OXNAD1: variants seen among roughly 807,000 people sequenced by gnomAD.
The protein encoded by OXNAD1 is oxidoreductase NAD binding domain containing 1.
In OXNAD1, 34 loss-of-function variants were observed where a neutral mutation model predicts 32.9. The observed-to-expected ratio is 1.03, with a 90% CI of 0.79 to 1.38. OXNAD1 has a LOEUF of 1.38. Ranked by LOEUF, OXNAD1 falls within the 40% of genes most tolerant of loss-of-function variation. OXNAD1 has a pLI of 0.00. For missense variants in OXNAD1, 407 were observed against 379.4 expected (o/e 1.07, Z -0.60); for synonymous variants, 134 against 135.2 (o/e 0.99, Z 0.06).
intron 2 of OXNAD1, 71 bp from the exon 3 acceptor site, chr3:16,270,874 C>G: frequency 6.3e-7 from 1 of 1,591,398 alleles, no homozygotes; most frequent in East Asian, 2.2e-5. Flanking sequence ...CCTCACTGAC[C>G]CTCTAAAATA....
intron 4 of OXNAD1, among the ~76,000 whole-genome samples, chr3:16,281,206 G>A (rs754655293): frequency 5.3e-5 from 8 of 152,142 alleles, no homozygotes; most frequent in Admixed American, 1.3e-4. Flanking sequence ...TTTGTGTTAA[G>A]CAAAATAAAA....
chr3:16,273,723 A>G (rs999681318), intron 4 of OXNAD1, among the ~76,000 whole-genome samples: 1 of 152,166 alleles, frequency 6.6e-6, no homozygotes, highest in Non-Finnish European at 1.5e-5. Flanking sequence ...AAGACTAAGA[A>G]TCGGACTAAT....
chr3:16,345,458 T>C lies in OXNAD1; in HGVS notation c.*31-3718T>C, dbSNP rs989395416. Among the ~76,000 whole-genome samples the C allele has an allele frequency of 6.6e-6, 1 of 152,154 alleles. No individual in the cohort carries two copies. Among genetic ancestry groups the C allele is most frequent in the Non-Finnish European group, 1.5e-5 (1 of 68,018 alleles). ...TTGTGAGGGTGTTTCTGGAAAAGAT[T>C]AGCATTTGAATGGGTCAACTGAGTA... On this transcript the variant is annotated intron_variant, in intron 9 of 9. Coordinates refer to the OXNAD1 transcript ENST00000606098. The surrounding 1 kb of genome is among the most constrained non-coding windows in gnomAD (Gnocchi z 5.2).
At chr3:16,323,324 G>A in intron 9 of OXNAD1, 4 of 1,343,422 alleles carry the variant, frequency 3.0e-6, no homozygotes, top group Non-Finnish European at 4.3e-6. Flanking sequence ...AAAATCCACT[G>A]AAGATGAAGC....
At chr3:16,273,175 A>C (rs968869243) in intron 4 of OXNAD1, among the ~76,000 whole-genome samples, 2 of 152,184 alleles carry the variant, frequency 1.3e-5, no homozygotes, top group African/African-American at 4.8e-5. Context: ...AAACTAAGTG[A>C]AATATAAGCA....
intron 9 of OXNAD1, among the ~76,000 whole-genome samples, chr3:16,343,759 G>A (rs901711920): frequency 1.3e-5 from 2 of 152,230 alleles, no homozygotes; most frequent in Non-Finnish European, 2.9e-5. Flanking sequence ...TGTGGATCCA[G>A]AAACCATGAA....
intron 4 of OXNAD1, among the ~76,000 whole-genome samples, chr3:16,286,007 T>G (rs1391057975): frequency 6.6e-6 from 1 of 152,198 alleles, no homozygotes; most frequent in Non-Finnish European, 1.5e-5. Flanking sequence ...AGAGTTCCAA[T>G]TCCCTGAGCT....
Position 16,316,563 on chromosome 3 carries a change from G to A in OXNAD1, c.*30+12971G>A. 2.0e-6 allele frequency: 1 copy of A among 501,608 alleles called. No individual in the cohort carries two copies. Among genetic ancestry groups the A allele is most frequent in the Non-Finnish European group, 3.6e-6 (1 of 278,750 alleles). The allele number at this position is 501,608 out of a possible 1,614,324, so 31.1% of individuals were successfully genotyped here. Reference sequence around the variant, plus strand: ...TGGAGGAGTGGTGGAGCCAGGACTGGGCCTTCAGCCATGAGGGCTAGAATA... The same window carrying A: ...TGGAGGAGTGGTGGAGCCAGGACTGAGCCTTCAGCCATGAGGGCTAGAATA... On this transcript the variant is annotated intron_variant, in intron 9 of 9. Coordinates refer to the OXNAD1 transcript ENST00000435829. This position sits in a 1 kb window ranked among gnomAD's most constrained non-coding sequence, Gnocchi z 4.5.
chr3:16,337,352 CA>C (rs1422070323), downstream of OXNAD1: 1 of 152,206 alleles, frequency 6.6e-6, no homozygotes, highest in Non-Finnish European at 1.5e-5. The surrounding 1 kb of genome is among the most constrained non-coding windows in gnomAD (Gnocchi z 5.0). Context: ...AGCTTTATTA[CA>C]CAGCAGAAGC....
Position 16,335,387 on chromosome 3 carries a change from G to A in OXNAD1, c.*31-1725G>A, listed in dbSNP as rs1398854629. On this transcript the variant is annotated intron_variant, in intron 9 of 9. Coordinates refer to the OXNAD1 transcript ENST00000435829. This position sits in a 1 kb window ranked among gnomAD's most constrained non-coding sequence, Gnocchi z 4.7. ...CATGGGAAACAGGCTTAAGAAGGGA[G>A]TTTGTACCACATTTTCTTTATCCAG... Among the ~76,000 whole-genome samples, 4 of 152,212 alleles carry A rather than the reference G, an allele frequency of 2.6e-5. No individual in the cohort carries two copies. Among genetic ancestry groups the A allele is most frequent in the African/African-American group, 9.7e-5 (4 of 41,434 alleles).
chr3:16,281,798 A>C (rs557562385), intron 4 of OXNAD1, among the ~76,000 whole-genome samples: 1 of 152,232 alleles, frequency 6.6e-6, no homozygotes, highest in South Asian at 2.1e-4. Context: ...AACACATGCC[A>C]GTTAAGCTGT....
chr3:16,270,610 C>T (rs1019494314), intron 2 of OXNAD1, among the ~76,000 whole-genome samples: 6 of 152,136 alleles, frequency 3.9e-5, no homozygotes, highest in Non-Finnish European at 5.9e-5. Context: ...ATACAATTAT[C>T]AGGAAGTTAT....
rs1483969558 is a variant in OXNAD1 at position 16,348,224 on chromosome 3, C to G, written c.*31-952C>G. On this transcript the variant is annotated intron_variant, in intron 9 of 9. Coordinates refer to the OXNAD1 transcript ENST00000606098. The surrounding 1 kb of genome is among the most constrained non-coding windows in gnomAD (Gnocchi z 6.3). ...AAGTGCTGCCTGTTTGAGGTGAAAG[C>G]ATGATGGTAAAAAGGAAGCCGAGGC... 6.6e-6 allele frequency among the ~76,000 whole-genome samples: 1 copy of G among 151,974 alleles called. No homozygotes were observed. Among genetic ancestry groups the G allele is most frequent in the Non-Finnish European group, 1.5e-5 (1 of 67,998 alleles).
downstream of OXNAD1, among the ~76,000 whole-genome samples, chr3:16,337,915 T>A (rs2071018277): frequency 6.6e-6 from 1 of 152,150 alleles, no homozygotes; most frequent in Non-Finnish European, 1.5e-5. The surrounding 1 kb of genome is among the most constrained non-coding windows in gnomAD (Gnocchi z 5.0). Flanking sequence ...TCTGGAGCCC[T>A]GAAGTCTAAT....
At position 16,271,112 on chromosome 3, in the gene OXNAD1, C is replaced by A; in HGVS notation, c.119+41C>A. ...TTCTGTGTCATTTGAAGTTAATTTT[C>A]AAAGAGACCCGACCTGCTGATGGTT... On this transcript the variant is annotated intron_variant, in intron 3 of 8. Coordinates refer to ENST00000285083, the MANE Select transcript of OXNAD1 (RefSeq NM_138381.5). This position sits in a 1 kb window ranked among gnomAD's most constrained non-coding sequence, Gnocchi z 4.6. The A allele has an allele frequency of 6.2e-7, 1 of 1,604,232 alleles. No individual in the cohort carries two copies. The highest frequency in any genetic ancestry group is 1.1e-5 in the South Asian group (1 of 90,194).
In OXNAD1 at chr3:16,284,608, C is replaced by T. The variant is rs974841415; in HGVS notation, c.184-1734C>T. ...TTTGTCGTTGACCAAAATGTCGTTG[C>T]ACAGCACATGACTGTACATTATAAC... On this transcript the variant is annotated intron_variant, in intron 4 of 8. Transcript: ENST00000285083. The surrounding 1 kb of genome is among the most constrained non-coding windows in gnomAD (Gnocchi z 4.1). Among the ~76,000 whole-genome samples, 3 of 152,216 alleles carry T rather than the reference C, an allele frequency of 2.0e-5. No homozygotes were observed. Among genetic ancestry groups the T allele is most frequent in the Non-Finnish European group, 4.4e-5 (3 of 68,042 alleles).
rs1053066432 is a variant in OXNAD1 at position 16,334,334 on chromosome 3, C to T, written c.*31-2778C>T. Among the ~76,000 whole-genome samples the T allele has an allele frequency of 6.6e-6, 1 of 152,204 alleles. No individual in the cohort carries two copies. Among genetic ancestry groups the T allele is most frequent in the African/African-American group, 2.4e-5 (1 of 41,444 alleles). ...AGTGGAAGGGCTCATTGATTCAACC[C>T]TCCTGGAGAACAGTTTGACAGTATC... On this transcript the variant is annotated intron_variant, in intron 9 of 9. Coordinates refer to the OXNAD1 transcript ENST00000435829. The surrounding 1 kb of genome is among the most constrained non-coding windows in gnomAD (Gnocchi z 4.3).
exon 10 of OXNAD1, chr3:16,349,965 T>G (rs2071982040): frequency 6.6e-6 from 1 of 152,242 alleles, no homozygotes; most frequent in African/African-American, 2.4e-5. Flanking sequence ...CTTAAGGCCT[T>G]CAACTGATTG....
chr3:16,295,765 C>A (rs1321580125), intron 6 of OXNAD1, among the ~76,000 whole-genome samples: 1 of 152,108 alleles, frequency 6.6e-6, no homozygotes, highest in Non-Finnish European at 1.5e-5. Flanking sequence ...ATTTTCTTAC[C>A]TTCTTTACCA....
Sources: allele counts gnomAD v4.1 joint callset (sites outside exome capture counted in the v4.1 genomes callset), GRCh38; gene constraint gnomAD v4.1.1; non-coding constraint Gnocchi (gnomAD v3.1); transcripts MANE v1.5; gene names NCBI Gene and HGNC (gene_info 2026-07-23, HGNC 2026-07-21).